DOCK3: variants seen among roughly 807,000 people sequenced by gnomAD.
DOCK3 encodes dedicator of cytokinesis protein 3.
A neutral mutation model predicts 265.6 loss-of-function variants in DOCK3; 60 were observed. The ratio of observed to expected loss-of-function variants is 0.23; its 90% CI spans 0.18 to 0.28. The LOEUF (loss-of-function observed/expected upper bound fraction) is 0.28, where lower values mean the gene tolerates loss of function less well. DOCK3 is among the 10% of genes least tolerant of loss of function. The probability of loss-of-function intolerance (pLI) is 1.00; values close to 1 mark genes in which losing one functional copy is unlikely to be tolerated. For missense variants in DOCK3, 1,981 were observed against 2,594.3 expected, an observed-to-expected ratio of 0.76 and a Z score of 5.14; for synonymous variants, 881 against 938.0, an observed-to-expected ratio of 0.94 and a Z score of 1.11.
intron 1 of DOCK3, among the ~76,000 whole-genome samples, chr3:50,687,520 T>C (rs2034911719): frequency 6.6e-6 from 1 of 152,244 alleles, no homozygotes; most frequent in East Asian, 1.9e-4. Context: ...GTCATCTCAC[T>C]TCTGTGTGTA....
rs997877094 is a variant in DOCK3 at position 50,675,419 on chromosome 3, C to G, written c.37+119C>G. ...CTGCCCGCAGGCTGCGCGGCCTCGG[C>G]GCGGGGCGAGCGCGGGGTGGGGGCA... On this transcript the variant is annotated intron_variant, in intron 1 of 52. Coordinates refer to ENST00000266037, the MANE Select transcript of DOCK3 (RefSeq NM_004947.5). The surrounding 1 kb of genome is among the most constrained non-coding windows in gnomAD (Gnocchi z 6.1). 1 of 957,214 alleles carries G rather than the reference C, an allele frequency of 1.0e-6. No homozygotes were observed. The highest frequency in any genetic ancestry group is 1.3e-6 in the Non-Finnish European group (1 of 765,158). 59.3% of individuals were successfully genotyped at this position (957,214 alleles called of 1,614,324 possible). A position where few individuals can be genotyped will look rare whatever the true frequency, so the allele number is the denominator to read the frequency against.
chr3:50,783,869 AT>A (rs71631077), intron 2 of DOCK3, among the ~76,000 whole-genome samples: 258 of 134,348 alleles, frequency 1.9e-3, no homozygotes, highest in East Asian at 1.9e-3. Flanking sequence ...TCTTGAGTTG[AT>A]TTTTTTTTTT....
intron 2 of DOCK3, among the ~76,000 whole-genome samples, chr3:50,784,121 G>C (rs1318916970): frequency 6.6e-6 from 1 of 152,150 alleles, no homozygotes; most frequent in Non-Finnish European, 1.5e-5. Flanking sequence ...TCCCGCCTCA[G>C]CCTCCCAAAG....
intron 9 of DOCK3, among the ~76,000 whole-genome samples, chr3:51,090,811 T>C (rs556714515): frequency 3.9e-5 from 6 of 152,330 alleles, no homozygotes; most frequent in South Asian, 2.1e-4. Context: ...GTGTCTTGTC[T>C]GGGCAGCCCA....
At chr3:50,701,127 GT>G (rs372596576) in intron 1 of DOCK3, among the ~76,000 whole-genome samples, 185 of 113,464 alleles carry the variant, frequency 1.6e-3, no homozygotes, top group South Asian at 7.5e-3. Flanking sequence ...TGTGGCCCTT[GT>G]TTTTTTTTTT....
chr3:50,934,838 T>A (rs1162223829), intron 5 of DOCK3, among the ~76,000 whole-genome samples: 7 of 152,118 alleles, frequency 4.6e-5, no homozygotes, highest in Non-Finnish European at 1.0e-4. Context: ...AATCATAATA[T>A]CTACACTAAA....
chr3:51,248,054 G>A (rs115736299), intron 22 of DOCK3, among the ~76,000 whole-genome samples: 2,315 of 152,336 alleles, frequency 0.015, 25 homozygotes, highest in South Asian at 0.028. Flanking sequence ...AGTCAATGTT[G>A]CTTGATACCT....
intron 7 of DOCK3, among the ~76,000 whole-genome samples, chr3:51,076,029 C>T (rs6445779): frequency 0.9 from 137,207 of 152,236 alleles, 62,024 homozygotes; most frequent in African/African-American, 0.95. Context: ...AAAAACTCAT[C>T]TTGAAGAGTA....
intron 1 of DOCK3, among the ~76,000 whole-genome samples, chr3:50,694,279 TAAAA>T (rs373461281): frequency 6.8e-6 from 1 of 146,804 alleles, no homozygotes; most frequent in Non-Finnish European, 1.5e-5. Flanking sequence ...CCAAAAAAAC[TAAAA>T]AAAAAATAAA....
rs192983234 is a variant in DOCK3 at position 50,901,786 on chromosome 3, C to T, written c.218+11705C>T. The T allele has an allele frequency of 2.4e-5, 10 of 424,842 alleles. No individual in the cohort carries two copies. The Admixed American group carries it at 2.5e-4, about 10-fold the overall frequency. 26.3% of individuals were successfully genotyped at this position (424,842 alleles called of 1,614,324 possible). ...GACACCCTACCCTGCTTCAGCTCTCCCTCTGTGGGTTGCACCCACTGTCTA... is the reference window on the plus strand; with the variant it reads ...GACACCCTACCCTGCTTCAGCTCTCTCTCTGTGGGTTGCACCCACTGTCTA... On this transcript the variant is annotated intron_variant, in intron 4 of 52. Transcript: ENST00000266037.
At chr3:50,934,713 A>G (rs2051259889) in intron 5 of DOCK3, among the ~76,000 whole-genome samples, 1 of 152,016 alleles carries the variant, frequency 6.6e-6, no homozygotes, top group African/African-American at 2.4e-5. Flanking sequence ...GCTACTTGGG[A>G]GGCTAAAGAG....
chr3:51,041,196 ATATATATATTTTTTTT>A (rs2080507711), intron 5 of DOCK3, among the ~76,000 whole-genome samples: 2 of 14,532 alleles, frequency 1.4e-4, no homozygotes, highest in Non-Finnish European at 2.1e-4. Context: ...ATATATATAT[ATATATATATTTTTTTT>A]TTTTTTTTTT....
At chr3:50,995,376 G>T (rs1199500978) in intron 5 of DOCK3, among the ~76,000 whole-genome samples, 1 of 152,342 alleles carries the variant, frequency 6.6e-6, no homozygotes, top group South Asian at 2.1e-4. Flanking sequence ...AAGAGGCATA[G>T]TCCTTAGCAG....
chr3:51,147,338 C>G (rs2107303835), intron 10 of DOCK3, among the ~76,000 whole-genome samples: 1 of 152,146 alleles, frequency 6.6e-6, no homozygotes, highest in South Asian at 2.1e-4. Context: ...CTACTGTGAT[C>G]TGTACTTTTC....
intron 26 of DOCK3, 134 bp downstream of exon 26, chr3:51,277,888 C>T (rs2080900130): frequency 6.6e-7 from 1 of 1,508,806 alleles, no homozygotes; most frequent in Admixed American, 2.1e-5. Flanking sequence ...GCATGCTGCC[C>T]TCTTCCCTTC....
rs2036589060 is a variant in DOCK3, at chr3:50,708,975, ATC to A, written c.37+33681_37+33682del. ...GTCAGCCATCTTGAAGCCCACCATC[ATC>A]TCTCTGTTCTGTTTTCGTTTTATTC... On this transcript the variant is annotated intron_variant, in intron 1 of 52. Coordinates refer to ENST00000266037, the MANE Select transcript of DOCK3 (RefSeq NM_004947.5). 3.3e-5 allele frequency among the ~76,000 whole-genome samples: 5 copies of A among 152,314 alleles called. No homozygotes were observed. In the South Asian group the frequency reaches 1.0e-3, roughly 32 times the overall value.
chr3:51,093,121 T>G lies in DOCK3; in HGVS notation c.746+2737T>G, dbSNP rs533093402. On this transcript the variant is annotated intron_variant, in intron 9 of 52. Transcript: ENST00000266037. ...TTGAAGTCAGAGAGCATGATGCCTCTGGCTTGGTTCTTTTTGCTTAGGATT... is the reference window on the plus strand; with the variant it reads ...TTGAAGTCAGAGAGCATGATGCCTCGGGCTTGGTTCTTTTTGCTTAGGATT... 3.9e-5 allele frequency among the ~76,000 whole-genome samples: 6 copies of G among 152,298 alleles called. No individual in the cohort carries two copies. The South Asian group carries it at 1.2e-3, about 32-fold the overall frequency.
intron 28 of DOCK3, among the ~76,000 whole-genome samples, chr3:51,310,645 T>A (rs1207359412): frequency 1.3e-5 from 2 of 152,192 alleles, no homozygotes; most frequent in East Asian, 3.8e-4. Context: ...TCAGTTTGAA[T>A]TGTGTTGTCT....
chr3:51,311,650 A>C (rs756368562), intron 28 of DOCK3, among the ~76,000 whole-genome samples: 1 of 152,134 alleles, frequency 6.6e-6, no homozygotes, highest in Non-Finnish European at 1.5e-5. Flanking sequence ...TACTAGAACT[A>C]CTCTGAACTG....
Sources: gnomAD v4.1 joint callset for allele counts (sites outside exome capture counted in the v4.1 genomes callset) on GRCh38, gnomAD v4.1.1 for gene constraint, Gnocchi (gnomAD v3.1) non-coding constraint, MANE v1.5 for transcripts, NCBI Gene and HGNC (gene_info 2026-07-23, HGNC 2026-07-21) for gene names.